The following SPAG16 variants were observed in gnomAD, a reference collection of about 807,000 sequenced individuals.
SPAG16 encodes the protein sperm-associated antigen 16 protein.
A neutral mutation model predicts 80.4 loss-of-function variants in SPAG16; 86 were observed. That is an observed-to-expected ratio of 1.07 (90% CI 0.90 to 1.28). The LOEUF is 1.28. SPAG16 is among the 50% of genes most tolerant of loss of function. SPAG16 has a pLI of 0.00. For missense variants in SPAG16, 870 were observed against 765.3 expected (o/e 1.14, Z -1.61); for synonymous variants, 294 against 265.9 (o/e 1.11, Z -1.03).
intron 15 of SPAG16, among the ~76,000 whole-genome samples, chr2:214,195,716 G>A (rs2057816901): frequency 6.6e-6 from 1 of 151,944 alleles, no homozygotes; most frequent in Non-Finnish European, 1.5e-5. Context: ...AACAGAATCA[G>A]GAGGGAAATC....
At chr2:213,962,564 G>A (rs1178874731) in intron 12 of SPAG16, among the ~76,000 whole-genome samples, 2 of 152,176 alleles carry the variant, frequency 1.3e-5, no homozygotes, top group African/African-American at 4.8e-5. Flanking sequence ...AGGACAGCAA[G>A]AATATGGCCA....
intron 10 of SPAG16, among the ~76,000 whole-genome samples, chr2:213,661,555 C>T (rs1031728888): frequency 6.6e-6 from 1 of 152,110 alleles, no homozygotes; most frequent in East Asian, 1.9e-4. Context: ...ATTTAATGGG[C>T]TTCAGCATGT....
intron 10 of SPAG16, among the ~76,000 whole-genome samples, chr2:213,524,621 G>C (rs924694038): frequency 2.0e-5 from 3 of 152,242 alleles, no homozygotes; most frequent in Non-Finnish European, 4.4e-5. Flanking sequence ...GCGAGACATG[G>C]AGTCAAAGGA....
rs531124717 is a variant in SPAG16 at position 213,755,172 on chromosome 2, A to T, written c.1071-107313A>T. Among the ~76,000 whole-genome samples, 3 of 152,218 alleles carry T rather than the reference A, an allele frequency of 2.0e-5. No individual in the cohort carries two copies. The South Asian group carries it at 6.2e-4, about 32-fold the overall frequency. ...TTTTGCAGGTTCAGTGTATTTTTTTATGTTGGTGTTATGAAGTCTTTGAAA... is the reference window on the plus strand; with the variant it reads ...TTTTGCAGGTTCAGTGTATTTTTTTTTGTTGGTGTTATGAAGTCTTTGAAA... On this transcript the variant is annotated intron_variant, in intron 10 of 15. Coordinates refer to ENST00000331683, the MANE Select transcript of SPAG16 (RefSeq NM_024532.5).
At chr2:214,020,409 A>C (rs2047803682) in intron 13 of SPAG16, among the ~76,000 whole-genome samples, 1 of 152,178 alleles carries the variant, frequency 6.6e-6, no homozygotes, top group Admixed American at 6.6e-5. Context: ...GCAATATTTA[A>C]AATTCCATGT....
intron 10 of SPAG16, among the ~76,000 whole-genome samples, chr2:213,710,626 C>T (rs367761315): frequency 1.3e-5 from 2 of 152,322 alleles, no homozygotes; most frequent in South Asian, 4.1e-4. Flanking sequence ...ATTCTCTCAA[C>T]ACACTTTAGT....
chr2:214,001,801 A>G (rs988316884), intron 12 of SPAG16, among the ~76,000 whole-genome samples: 3 of 152,272 alleles, frequency 2.0e-5, no homozygotes, highest in South Asian at 2.1e-4. Flanking sequence ...ATGGTAAACT[A>G]TTTCTTTATT....
At chr2:213,425,357 A>G (rs890961126) in intron 9 of SPAG16, among the ~76,000 whole-genome samples, 2 of 148,852 alleles carry the variant, frequency 1.3e-5, no homozygotes, top group Non-Finnish European at 3.0e-5. Context: ...ATTAGTGCAT[A>G]TAAATGTGTA....
intron 10 of SPAG16, among the ~76,000 whole-genome samples, chr2:213,625,157 T>C (rs531867562): frequency 6.6e-6 from 1 of 152,290 alleles, no homozygotes; most frequent in South Asian, 2.1e-4. Context: ...TATTAGTCCG[T>C]TCTCACAAAG....
At chr2:214,091,862 TGA>T (rs2052236948) in intron 13 of SPAG16, among the ~76,000 whole-genome samples, 2 of 152,218 alleles carry the variant, frequency 1.3e-5, no homozygotes, top group East Asian at 3.9e-4. Context: ...ATGTGTTTTA[TGA>T]AATATTATTA....
At chr2:213,747,623 G>T (rs1420113575) in intron 10 of SPAG16, among the ~76,000 whole-genome samples, 1 of 152,152 alleles carries the variant, frequency 6.6e-6, no homozygotes, top group Non-Finnish European at 1.5e-5. Context: ...ACAATATTCG[G>T]TATGGTAACA....
chr2:213,312,010 A>G (rs887614910), intron 4 of SPAG16, among the ~76,000 whole-genome samples: 1 of 151,586 alleles, frequency 6.6e-6, no homozygotes, highest in Non-Finnish European at 1.5e-5. Flanking sequence ...TTAGAAAACT[A>G]AGATCCTTGG....
At chr2:214,330,501 A>G (rs1431035844) in intron 15 of SPAG16, among the ~76,000 whole-genome samples, 1 of 152,210 alleles carries the variant, frequency 6.6e-6, no homozygotes, top group Non-Finnish European at 1.5e-5. Context: ...GCTCTTGGGA[A>G]CACCTGTAAG....
At chr2:213,906,243 G>A (rs927617292) in intron 11 of SPAG16, among the ~76,000 whole-genome samples, 7 of 149,906 alleles carry the variant, frequency 4.7e-5, no homozygotes, top group African/African-American at 7.4e-5. Flanking sequence ...AAGAAATCAC[G>A]AAAGCAATCG....
Position 213,839,395 on chromosome 2 carries a change from T to C in SPAG16, c.1071-23090T>C, listed in dbSNP as rs113719573. Among the ~76,000 whole-genome samples, 1,346 of 152,292 alleles carry C rather than the reference T, an allele frequency of 8.8e-3. 18 individuals are homozygous for C. Among genetic ancestry groups the C allele is most frequent in the African/African-American group, 0.031 (1,294 of 41,552 alleles). ...TATATGAGAAAACATTTTTTTATGA[T>C]TTTTTCCATCTCTTCCAAAAATACC... On this transcript the variant is annotated intron_variant, in intron 10 of 15. Transcript: ENST00000331683.
At chr2:213,468,467 GTATT>G (rs1175452071) in intron 9 of SPAG16, among the ~76,000 whole-genome samples, 1 of 115,742 alleles carries the variant, frequency 8.6e-6, no homozygotes, top group African/African-American at 4.6e-5. Flanking sequence ...ATATCTCTAT[GTATT>G]TATATATAGA....
intron 15 of SPAG16, among the ~76,000 whole-genome samples, chr2:214,258,720 T>G (rs1046267360): frequency 4.6e-5 from 7 of 151,864 alleles, no homozygotes; most frequent in African/African-American, 1.7e-4. Flanking sequence ...GTTTCAATCT[T>G]TTAAGTTTTT....
At chr2:213,884,503 G>T (rs532487761) in intron 11 of SPAG16, among the ~76,000 whole-genome samples, 13 of 152,162 alleles carry the variant, frequency 8.5e-5, no homozygotes, top group African/African-American at 2.9e-4. Context: ...TAGTATCTAC[G>T]CTGTTCTCCA....
intron 15 of SPAG16, among the ~76,000 whole-genome samples, chr2:214,344,496 G>T (rs961686989): frequency 2.0e-5 from 3 of 152,048 alleles, no homozygotes; most frequent in Non-Finnish European, 4.4e-5. Flanking sequence ...GAATATGATT[G>T]TGTGTTCTTC....
Sources: allele counts gnomAD v4.1 joint callset (sites outside exome capture counted in the v4.1 genomes callset), GRCh38; gene constraint gnomAD v4.1.1; transcripts MANE v1.5; gene names NCBI Gene and HGNC (gene_info 2026-07-23, HGNC 2026-07-21).